Variants in TMTC3 observed in about 807,000 individuals in gnomAD.
The protein encoded by TMTC3 is transmembrane O-mannosyltransferase targeting cadherins 3.
In TMTC3, 52 loss-of-function variants were observed where a neutral mutation model predicts 92.2. The observed-to-expected ratio is 0.56, with a 90% CI of 0.45 to 0.71. TMTC3 has a LOEUF of 0.71. Among genes scored for constraint, TMTC3 ranks in the 30% least tolerant of loss-of-function variants. TMTC3 has a pLI of 0.00. For synonymous variants in TMTC3, 339 were observed against 363.3 expected (o/e 0.93, Z 0.76); for missense variants, 896 against 1,057.1 (o/e 0.85, Z 2.11).
At chr12:88,180,635 GA>G (rs1402568331) in intron 10 of TMTC3, among the ~76,000 whole-genome samples, 1 of 152,112 alleles carries the variant, frequency 6.6e-6, no homozygotes. Context: ...TGTCATTCAA[GA>G]AAACCGCATC....
In TMTC3 at chr12:88,192,805, C is replaced by T; in HGVS notation, c.1908C>T (p.Asn636=). 6.2e-7 allele frequency: 1 copy of T among 1,612,546 alleles called. No individual in the cohort carries two copies. Among genetic ancestry groups the T allele is most frequent in the Non-Finnish European group, 8.5e-7 (1 of 1,179,450 alleles). Residue 636 remains asparagine (N), a synonymous_variant, in exon 13 of 14, where the codon AAC becomes AAT. Transcript: ENST00000266712. The stretch of plus-strand genomic sequence containing the variant: ...CAAAGCATAAACTAGCATTATTCAA[C>T]TCTGCTATAGTAATGCAAGAATCAG... ...LNPKHKLALF[N]SAIVMQESGE... is the part of the protein sequence containing the mutation.
intron 11 of TMTC3, among the ~76,000 whole-genome samples, chr12:88,189,391 C>T (rs372628691): frequency 4.6e-5 from 7 of 151,986 alleles, no homozygotes; most frequent in Admixed American, 2.6e-4. Flanking sequence ...TGCGCCCGGC[C>T]GTAGCTCACT....
At chr12:88,152,456 T>G (rs1056400921) in intron 2 of TMTC3, among the ~76,000 whole-genome samples, 1 of 152,148 alleles carries the variant, frequency 6.6e-6, no homozygotes, top group African/African-American at 2.4e-5. Context: ...TCCTCATATT[T>G]CAGCATGAGA....
At chr12:88,166,914 G>A (rs997362359) in intron 7 of TMTC3, among the ~76,000 whole-genome samples, 4 of 150,680 alleles carry the variant, frequency 2.7e-5, no homozygotes, top group Admixed American at 6.6e-5. Flanking sequence ...GAGCTTTTCA[G>A]TTCTCATGAG....
chr12:88,172,123 T>C (rs1192133696), intron 7 of TMTC3, among the ~76,000 whole-genome samples: 3 of 152,150 alleles, frequency 2.0e-5, no homozygotes, highest in Non-Finnish European at 4.4e-5. Flanking sequence ...GATGAACCTT[T>C]ATTGTTTAAT....
chr12:88,188,362 A>C (rs949895097), intron 10 of TMTC3, among the ~76,000 whole-genome samples: 21 of 152,282 alleles, frequency 1.4e-4, no homozygotes, highest in Middle Eastern at 6.8e-3. Context: ...TTCCTAAGCT[A>C]TGAGATTAAG....
At position 88,160,084 on chromosome 12, in the gene TMTC3, AT is replaced by A. The variant is rs755189051; in HGVS notation, c.509-25del. On this transcript the variant is annotated intron_variant, in intron 4 of 13. Coordinates refer to ENST00000266712, the MANE Select transcript of TMTC3 (RefSeq NM_181783.4). ...TTGATATTATAAAATTGTTTTCTGA[AT>A]TTTTATATTTTCTGTTCTCAAATTG... The A allele has an allele frequency of 2.2e-5, 32 of 1,444,814 alleles. No homozygotes were observed. The South Asian group carries it at 4.0e-4, about 18-fold the overall frequency. The allele number at this position is 1,444,814 out of a possible 1,614,324, so 89.5% of individuals were successfully genotyped here.
intron 2 of TMTC3, among the ~76,000 whole-genome samples, chr12:88,149,483 C>T (rs2040915253): frequency 6.6e-6 from 1 of 151,992 alleles, no homozygotes; most frequent in Non-Finnish European, 1.5e-5. Context: ...GATTTCTAAA[C>T]TAAAATTCTA....
intron 6 of TMTC3, among the ~76,000 whole-genome samples, chr12:88,165,630 A>G (rs999730157): frequency 1.1e-4 from 16 of 152,106 alleles, no homozygotes; most frequent in Non-Finnish European, 2.4e-4. Context: ...TAGAACACAG[A>G]CTAAACTAAT....
At chr12:88,167,793 G>A (rs544467576) in intron 7 of TMTC3, among the ~76,000 whole-genome samples, 9 of 152,290 alleles carry the variant, frequency 5.9e-5, no homozygotes, top group Non-Finnish European at 1.2e-4. Flanking sequence ...AGCACTTTAT[G>A]TCTGGAGTTC....
At chr12:88,146,575 A>G (rs2040876664) in intron 1 of TMTC3, among the ~76,000 whole-genome samples, 1 of 145,120 alleles carries the variant, frequency 6.9e-6, no homozygotes, top group South Asian at 2.3e-4. Context: ...GAAGAACCAT[A>G]TACATACCTA....
In TMTC3 at chr12:88,172,595, A is replaced by G. The variant is rs770561204; in HGVS notation, c.1051-2A>G. On this transcript the variant is annotated splice_acceptor_variant, in intron 7 of 13. Transcript: ENST00000266712. LOFTEE classifies it high-confidence loss of function. ...TATTAAATCTTCTTTTTTTTTTTGTAGGCGCTTTGTTTAATGGCATTACCA... is the reference window on the plus strand; with the variant it reads ...TATTAAATCTTCTTTTTTTTTTTGTGGGCGCTTTGTTTAATGGCATTACCA... The G allele has an allele frequency of 1.5e-6, 2 of 1,336,576 alleles. No individual in the cohort carries two copies. Among genetic ancestry groups the G allele is most frequent in the Non-Finnish European group, 1.9e-6 (2 of 1,032,092 alleles). The allele number at this position is 1,336,576 out of a possible 1,614,324, so 82.8% of individuals were successfully genotyped here.
rs531219041 is a variant in TMTC3, at chr12:88,167,101, T to G, written c.1050+519T>G. ...GAGTTATGTTTTCTCTCCCTTTTAATTATTGAAGACAGGCTGGGTGCGTTG... is the reference window on the plus strand; with the variant it reads ...GAGTTATGTTTTCTCTCCCTTTTAAGTATTGAAGACAGGCTGGGTGCGTTG... On this transcript the variant is annotated intron_variant, in intron 7 of 13. Transcript: ENST00000266712. Among the ~76,000 whole-genome samples the G allele has an allele frequency of 3.3e-5, 5 of 151,986 alleles. No homozygotes were observed. The East Asian group carries it at 9.7e-4, about 29-fold the overall frequency.
chr12:88,184,439 G>C (rs1415880844), intron 10 of TMTC3, among the ~76,000 whole-genome samples: 1 of 152,078 alleles, frequency 6.6e-6, no homozygotes, highest in Non-Finnish European at 1.5e-5. Flanking sequence ...AATTCCCTTC[G>C]GAAGCTTTTG....
At chr12:88,177,588 A>G (rs187750099) in intron 10 of TMTC3, among the ~76,000 whole-genome samples, 1 of 152,306 alleles carries the variant, frequency 6.6e-6, no homozygotes, top group East Asian at 1.9e-4. Flanking sequence ...AGTAGGATGT[A>G]GCTAGAGCAG....
At chr12:88,173,360 A>G (rs972617540) in intron 8 of TMTC3, among the ~76,000 whole-genome samples, 1 of 152,034 alleles carries the variant, frequency 6.6e-6, no homozygotes. Context: ...TGAGTTTGCA[A>G]CTTGAAAAAG....
chr12:88,169,596 A>T (rs1051057420), intron 7 of TMTC3, among the ~76,000 whole-genome samples: 1 of 152,290 alleles, frequency 6.6e-6, no homozygotes, highest in African/African-American at 2.4e-5. Flanking sequence ...ATAAGATGTC[A>T]TATATATGTC....
intron 10 of TMTC3, among the ~76,000 whole-genome samples, chr12:88,183,995 C>T (rs1229976408): frequency 6.6e-6 from 1 of 152,094 alleles, no homozygotes; most frequent in Non-Finnish European, 1.5e-5. Context: ...TTGAGGGTTC[C>T]ATCGCAATCC....
chr12:88,165,179 G>A (rs1194191209), intron 6 of TMTC3, among the ~76,000 whole-genome samples: 1 of 152,010 alleles, frequency 6.6e-6, no homozygotes, highest in East Asian at 1.9e-4. Flanking sequence ...TTTCAACATT[G>A]TGTATATATG....
Sources: allele counts gnomAD v4.1 joint callset (sites outside exome capture counted in the v4.1 genomes callset), GRCh38; gene constraint gnomAD v4.1.1; transcripts MANE v1.5; gene names NCBI Gene and HGNC (gene_info 2026-07-23, HGNC 2026-07-21).